LEPR: variants seen among roughly 807,000 people sequenced by gnomAD.
LEPR encodes OB receptor.
LEPR carries 56 observed loss-of-function variants against 114.7 expected under a neutral mutation model. The observed-to-expected ratio is 0.49, with a 90% CI of 0.39 to 0.61. The LOEUF is 0.61. Among genes scored for constraint, LEPR ranks in the 20% least tolerant of loss-of-function variants. The pLI, the probability that LEPR is intolerant of heterozygous loss-of-function variation, is 0.00. For synonymous variants in LEPR, 443 were observed against 461.4 expected, an observed-to-expected ratio of 0.96 and a Z score of 0.51; for missense variants, 1,202 against 1,352.9, an observed-to-expected ratio of 0.89 and a Z score of 1.75.
intron 3 of LEPR, among the ~76,000 whole-genome samples, chr1:65,567,389 A>G (rs1570713076): frequency 1.3e-5 from 2 of 152,078 alleles, no homozygotes; most frequent in South Asian, 4.2e-4. Flanking sequence ...GGTTTTGTAA[A>G]CCTCCTCCCT....
At chr1:65,545,392 A>G (rs1191261849) in intron 2 of LEPR, among the ~76,000 whole-genome samples, 2 of 152,004 alleles carry the variant, frequency 1.3e-5, no homozygotes, top group African/African-American at 2.4e-5. Context: ...ACTGACTTCC[A>G]CAATGGTTGA....
intron 5 of LEPR, among the ~76,000 whole-genome samples, chr1:65,591,238 A>C (rs10889566): frequency 0.5 from 76,376 of 151,784 alleles, 20,030 homozygotes; most frequent in East Asian, 0.88. Flanking sequence ...TGTTTTATGG[A>C]CCAGAATATG....
At chr1:65,455,982 T>TTTAA (rs1646867738) in intron 2 of LEPR, among the ~76,000 whole-genome samples, 1 of 152,176 alleles carries the variant, frequency 6.6e-6, no homozygotes, top group Non-Finnish European at 1.5e-5. Context: ...TATAATCTCC[T>TTTAA]GGTGCGCCAT....
intron 2 of LEPR, among the ~76,000 whole-genome samples, chr1:65,500,767 A>G (rs1243282351): frequency 6.6e-6 from 1 of 152,116 alleles, no homozygotes; most frequent in Non-Finnish European, 1.5e-5. Flanking sequence ...GTCAAAAGTT[A>G]TATGCAAGTT....
intron 5 of LEPR, among the ~76,000 whole-genome samples, chr1:65,582,625 CCAGGCTGCCTGT>C (rs1655063585): frequency 6.6e-6 from 1 of 152,188 alleles, no homozygotes; most frequent in Non-Finnish European, 1.5e-5. Context: ...CCCAAATCTA[CCAGGCTGCCTGT>C]ATCAGTGCCC....
chr1:65,522,293 T>C (rs1370571237), intron 2 of LEPR, among the ~76,000 whole-genome samples: 2 of 152,128 alleles, frequency 1.3e-5, no homozygotes, highest in African/African-American at 4.8e-5. Context: ...TTTGGTTAGG[T>C]TAAGACTCAC....
chr1:65,620,050 T>C, intron 17 of LEPR, 27 bp downstream of exon 17: 2 of 1,534,820 alleles, frequency 1.3e-6, no homozygotes, highest in Non-Finnish European at 1.8e-6. Flanking sequence ...TAGTTTCCTT[T>C]TACACCAATG....
chr1:65,634,332 C>G (rs1164264859), intron 19 of LEPR: 3 of 981,180 alleles, frequency 3.1e-6, no homozygotes, highest in African/African-American at 3.5e-5. Context: ...TTCTTGACTT[C>G]TAATAGGTGT....
chr1:65,435,712 A>G (rs762120769), intron 2 of LEPR: 10 of 985,438 alleles, frequency 1.0e-5, no homozygotes, highest in Non-Finnish European at 1.2e-5. Context: ...TTGTATCCCA[A>G]TAGAACCAAA....
At chr1:65,518,216 A>T (rs1426448482) in intron 2 of LEPR, among the ~76,000 whole-genome samples, 3 of 152,114 alleles carry the variant, frequency 2.0e-5, no homozygotes, top group Admixed American at 6.5e-5. Context: ...CTATCCTTTA[A>T]ATTTCAAAGT....
At chr1:65,604,307 G>A (rs535569216) in intron 10 of LEPR, among the ~76,000 whole-genome samples, 1 of 152,040 alleles carries the variant, frequency 6.6e-6, no homozygotes, top group South Asian at 2.1e-4. Context: ...TAGATGGAGT[G>A]AAATTGTCTG....
intron 2 of LEPR, among the ~76,000 whole-genome samples, chr1:65,452,615 C>T (rs1401087768): frequency 1.3e-5 from 2 of 151,552 alleles, no homozygotes; most frequent in South Asian, 2.1e-4. Context: ...AGCCTTGCAT[C>T]CCAGGGATGA....
At chr1:65,513,155 A>G (rs1398940844) in intron 2 of LEPR, among the ~76,000 whole-genome samples, 4 of 152,180 alleles carry the variant, frequency 2.6e-5, no homozygotes, top group South Asian at 2.1e-4. Flanking sequence ...GTGAGATACT[A>G]TGATGGTTCC....
chr1:65,424,804 T>G (rs1646326266), intron 1 of LEPR, among the ~76,000 whole-genome samples: 1 of 152,136 alleles, frequency 6.6e-6, no homozygotes, highest in African/African-American at 2.4e-5. Context: ...ACTTTCTCTC[T>G]TCTTATAAGG....
In LEPR at chr1:65,633,944, CA is replaced by C; in HGVS notation, c.2674-2246del. On this transcript the variant is annotated intron_variant, in intron 19 of 19. Transcript: ENST00000349533. This position sits in a 1 kb window ranked among gnomAD's most constrained non-coding sequence, Gnocchi z 4.1. ...CAGAAGGGAACATCGACTTCTAATC[CA>C]GCTTTCTTGTTTAATTATGACCTAA... 1 of 985,348 alleles carries C rather than the reference CA, an allele frequency of 1.0e-6. No individual in the cohort carries two copies. The highest frequency in any genetic ancestry group is 1.2e-6 in the Non-Finnish European group (1 of 829,926). The allele number at this position is 985,348 out of a possible 1,614,324, so 61.0% of individuals were successfully genotyped here.
At chr1:65,605,270 T>C (rs1160370130) in intron 11 of LEPR, 33 bp downstream of exon 11, 1 of 1,611,196 alleles carries the variant, frequency 6.2e-7, no homozygotes, top group East Asian at 2.2e-5. Context: ...TTCATTTGTG[T>C]TAGCAGATTT....
At chr1:65,628,316 A>G (rs551676051) in intron 19 of LEPR, among the ~76,000 whole-genome samples, 9 of 152,174 alleles carry the variant, frequency 5.9e-5, no homozygotes, top group Non-Finnish European at 1.0e-4. Flanking sequence ...TATTAACACA[A>G]TATTTTAAAA....
rs1232020560 is a variant in LEPR, at chr1:65,587,413, G to A, written c.495-5244G>A. Among the ~76,000 whole-genome samples the A allele has an allele frequency of 2.0e-5, 3 of 151,994 alleles. No individual in the cohort carries two copies. The East Asian group carries it at 5.8e-4, about 29-fold the overall frequency. On this transcript the variant is annotated intron_variant, in intron 5 of 19. Transcript: ENST00000349533. Reference sequence around the variant, plus strand: ...AGATAAAATCGAAAGTGCTAAATCAGGCTACCTCTAATTCAAAACAATATT... The same window carrying A: ...AGATAAAATCGAAAGTGCTAAATCAAGCTACCTCTAATTCAAAACAATATT...
intron 2 of LEPR, among the ~76,000 whole-genome samples, chr1:65,482,123 TACACACAC>T (rs141690381): frequency 6.7e-6 from 1 of 149,630 alleles, no homozygotes; most frequent in South Asian, 2.1e-4. Flanking sequence ...ATTTTACACA[TACACACAC>T]ACACACACAC....
Sources: allele counts gnomAD v4.1 joint callset (sites outside exome capture counted in the v4.1 genomes callset), GRCh38; gene constraint gnomAD v4.1.1; non-coding constraint Gnocchi (gnomAD v3.1); transcripts MANE v1.5; gene names NCBI Gene and HGNC (gene_info 2026-07-23, HGNC 2026-07-21).